Variants in EDNRA observed in about 807,000 individuals in gnomAD.
The protein encoded by EDNRA is endothelin-1 receptor.
A neutral mutation model predicts 41.4 loss-of-function variants in EDNRA; 11 were observed. The ratio of observed to expected loss-of-function variants is 0.27; its 90% CI spans 0.17 to 0.44. EDNRA has a LOEUF of 0.44. Ranked by LOEUF, EDNRA falls within the 20% of genes least tolerant of loss-of-function variation. The pLI is 1.00. For missense variants in EDNRA, 294 were observed against 531.0 expected (o/e 0.55, Z 4.39); for synonymous variants, 172 against 183.0 (o/e 0.94, Z 0.49).
intron 3 of EDNRA, among the ~76,000 whole-genome samples, chr4:147,524,381 A>G (rs988486490): frequency 6.6e-6 from 1 of 152,058 alleles, no homozygotes; most frequent in Admixed American, 6.6e-5. Flanking sequence ...ACCTCACCCA[A>G]TACCACCTCC....
intron 2 of EDNRA, among the ~76,000 whole-genome samples, chr4:147,510,135 A>G (rs1247116408): frequency 3.3e-5 from 5 of 152,182 alleles, no homozygotes; most frequent in Non-Finnish European, 7.3e-5. Context: ...TTGGCAGTCA[A>G]TATTTCTTAG....
At chr4:147,541,067 C>CAA (rs10551607) in intron 7 of EDNRA, among the ~76,000 whole-genome samples, 21 of 46,148 alleles carry the variant, frequency 4.6e-4, no homozygotes, top group East Asian at 1.1e-3. Flanking sequence ...GACTCAGTCT[C>CAA]AAAAAAAAAA....
chr4:147,530,985 C>G (rs1205962544), intron 3 of EDNRA, among the ~76,000 whole-genome samples: 3 of 152,250 alleles, frequency 2.0e-5, no homozygotes, highest in Non-Finnish European at 4.4e-5. Context: ...CACAAAAATA[C>G]CATACCACGT....
rs10305870 is a variant in EDNRA at position 147,486,629 on chromosome 4, G to A, written c.420+528G>A. ...GCATCCTGGCTTTTCTCAGTGATAT[G>A]GGTGACTTAGAGATAATGGGGTCCA... On this transcript the variant is annotated intron_variant, in intron 2 of 7. Transcript: ENST00000651419. This position sits in a 1 kb window ranked among gnomAD's most constrained non-coding sequence, Gnocchi z 4.3. 2.2e-3 allele frequency among the ~76,000 whole-genome samples: 342 copies of A among 152,280 alleles called. 1 individual carries two copies. The highest frequency in any genetic ancestry group is 7.6e-3 in the African/African-American group (316 of 41,558).
intron 2 of EDNRA, chr4:147,488,443 C>T (rs1157194246): frequency 6.6e-6 from 1 of 152,196 alleles, no homozygotes; most frequent in Non-Finnish European, 1.5e-5. Context: ...GAATCCAATA[C>T]TTTGTATACC....
intron 2 of EDNRA, chr4:147,494,052 A>G (rs1251073844): frequency 6.6e-6 from 1 of 152,206 alleles, no homozygotes; most frequent in African/African-American, 2.4e-5. Context: ...AGAGGAAGCA[A>G]GTCAAATCTT....
At chr4:147,511,840 G>A (rs762564788) in intron 2 of EDNRA, among the ~76,000 whole-genome samples, 1 of 151,992 alleles carries the variant, frequency 6.6e-6, no homozygotes, top group Non-Finnish European at 1.5e-5. Context: ...TTGTCTGTCC[G>A]GGTCAAAGCA....
intron 2 of EDNRA, chr4:147,494,368 GAA>G (rs1729236094): frequency 6.6e-6 from 1 of 152,260 alleles, no homozygotes; most frequent in Admixed American, 6.5e-5. Context: ...AGAGTGGAAA[GAA>G]GAGAGATATT....
At chr4:147,503,568 GC>G (rs1729586891) in intron 2 of EDNRA, among the ~76,000 whole-genome samples, 1 of 152,176 alleles carries the variant, frequency 6.6e-6, no homozygotes, top group South Asian at 2.1e-4. Flanking sequence ...ATTAGAAATT[GC>G]AACCACCTCT....
At chr4:147,532,257 C>T (rs1230623471) in intron 3 of EDNRA, among the ~76,000 whole-genome samples, 1 of 134,856 alleles carries the variant, frequency 7.4e-6, no homozygotes, top group African/African-American at 2.8e-5. Context: ...ACCTGGGAGG[C>T]GGAGCTTGCA....
intron 2 of EDNRA, among the ~76,000 whole-genome samples, chr4:147,501,101 G>C (rs1293470882): frequency 6.6e-6 from 1 of 151,888 alleles, no homozygotes; most frequent in Non-Finnish European, 1.5e-5. Context: ...TAAACATTTA[G>C]TTTATTTGTG....
rs965661829 is a variant in EDNRA, at chr4:147,525,620, A to G, written c.548+5642A>G. Among the ~76,000 whole-genome samples, 4 of 143,584 alleles carry G rather than the reference A, an allele frequency of 2.8e-5. No individual in the cohort carries two copies. In the East Asian group the frequency reaches 6.0e-4, roughly 22 times the overall value. The allele number at this position is 143,584 out of a possible 152,430, so 94.2% of individuals were successfully genotyped here. A position where few individuals can be genotyped will look rare whatever the true frequency, so the allele number is the denominator to read the frequency against. On this transcript the variant is annotated intron_variant, in intron 3 of 7. Transcript: ENST00000651419. ...CAAAAAAAAAAAAAGCAGCAGCAGG[A>G]GAGGGGTAGGAGGGATCACTGTTGA... is the stretch of plus-strand genomic sequence containing the variant.
In EDNRA at chr4:147,505,485, G is replaced by A. The variant is rs558389060; in HGVS notation, c.421-14366G>A. Among the ~76,000 whole-genome samples, 7 of 151,482 alleles carry A rather than the reference G, an allele frequency of 4.6e-5. No individual in the cohort carries two copies. In the East Asian group the frequency reaches 1.4e-3, roughly 29 times the overall value. On this transcript the variant is annotated intron_variant, in intron 2 of 7. Coordinates refer to ENST00000651419, the MANE Select transcript of EDNRA (RefSeq NM_001957.4). The stretch of plus-strand genomic sequence containing the variant: ...GCCTCCTGAGTAACTAGGATTGCAG[G>A]TGTGCAACACCATGCCCAGCTAATT...
chr4:147,525,503 A>T (rs1390023524), intron 3 of EDNRA, among the ~76,000 whole-genome samples: 2 of 152,130 alleles, frequency 1.3e-5, no homozygotes, highest in African/African-American at 4.8e-5. Context: ...CCCAACAAAA[A>T]TGAATAACCA....
intron 2 of EDNRA, chr4:147,493,446 G>A (rs1196856716): frequency 6.6e-6 from 1 of 152,114 alleles, no homozygotes; most frequent in African/African-American, 2.4e-5. Flanking sequence ...GAAGGGGGCT[G>A]AGGAATCAAG....
intron 2 of EDNRA, among the ~76,000 whole-genome samples, chr4:147,513,703 A>C (rs1262414942): frequency 3.9e-5 from 6 of 152,160 alleles, no homozygotes; most frequent in Admixed American, 3.9e-4. Context: ...CCCTATAATA[A>C]TTCATATTGA....
intron 4 of EDNRA, among the ~76,000 whole-genome samples, chr4:147,535,119 G>C (rs1730875356): frequency 6.6e-6 from 1 of 152,200 alleles, no homozygotes. Context: ...TTTGTGGGAA[G>C]AAGAATTTAG....
At chr4:147,539,781 A>T in intron 5 of EDNRA, 36 bp from the exon 6 acceptor site, 1 of 1,596,252 alleles carries the variant, frequency 6.3e-7, no homozygotes, top group Non-Finnish European at 8.5e-7. Flanking sequence ...AAAAACACTA[A>T]ATTTGTTGTC....
At chr4:147,506,212 C>A in intron 2 of EDNRA, 1 of 522,310 alleles carries the variant, frequency 1.9e-6, no homozygotes, top group Non-Finnish European at 3.9e-6. Context: ...GAAGATCTTG[C>A]AAATATTCAT....
Sources: gnomAD v4.1 joint callset for allele counts (sites outside exome capture counted in the v4.1 genomes callset) on GRCh38, gnomAD v4.1.1 for gene constraint, Gnocchi (gnomAD v3.1) non-coding constraint, MANE v1.5 for transcripts, NCBI Gene and HGNC (gene_info 2026-07-23, HGNC 2026-07-21) for gene names.